The following FADS6 variants were observed in gnomAD, a reference collection of about 807,000 sequenced individuals.
The protein encoded by FADS6 is fatty acid desaturase domain family, member 6.
Under a neutral mutation model 31.7 loss-of-function variants are expected in FADS6, and 28 were observed. That is an observed-to-expected ratio of 0.88 (90% CI 0.66 to 1.21). The LOEUF (loss-of-function observed/expected upper bound fraction) is 1.21. FADS6 is among the 50% of genes most tolerant of loss of function. FADS6 has a pLI of 0.00. For synonymous variants in FADS6, 191 were observed against 213.1 expected (o/e 0.90, Z 0.90); for missense variants, 494 against 504.2 (o/e 0.98, Z 0.19).
At chr17:74,885,581 C>T (rs2038614482) in intron 2 of FADS6, among the ~76,000 whole-genome samples, 1 of 152,124 alleles carries the variant, frequency 6.6e-6, no homozygotes, top group African/African-American at 2.4e-5. Flanking sequence ...GACCCTCAAT[C>T]CCTCTTTCTC....
At chr17:74,887,129 T>G (rs1479176299) in intron 2 of FADS6, among the ~76,000 whole-genome samples, 1 of 143,786 alleles carries the variant, frequency 7.0e-6, no homozygotes, top group Non-Finnish European at 1.5e-5. Flanking sequence ...GTATATGGAG[T>G]ATAGTGATAA....
At chr17:74,880,344 CATTATT>C (rs1454125358) in intron 4 of FADS6, among the ~76,000 whole-genome samples, 1 of 151,978 alleles carries the variant, frequency 6.6e-6, no homozygotes, top group East Asian at 1.9e-4. Context: ...AAGCTCACTT[CATTATT>C]ATTATTATTA....
rs1287710828 is a variant in FADS6 at position 74,881,203 on chromosome 17, A to C, written c.645T>G (p.Ile215Met). ...AGTAGTGAGAATAAAGGCCCAGAGA[A>C]ATCAGGGCCAGCGTCCGCAGGGCTG... ...LGTALRTLAL[I>M]SLGLYSHYWL... The change falls in exon 4 of 6, where the codon ATT becomes ATG. Residue 215 changes from isoleucine (I) to methionine (M), a missense_variant. Ile to Met is a conservative substitution (Grantham distance 10). Coordinates refer to ENST00000612771, the MANE Select transcript of FADS6 (RefSeq NM_178128.6). The C allele has an allele frequency of 6.2e-7, 1 of 1,611,058 alleles. No homozygotes were observed. The highest frequency in any genetic ancestry group is 1.1e-5 in the South Asian group (1 of 90,586).
In FADS6 at chr17:74,878,201, C is replaced by A. The variant is rs969149551; in HGVS notation, c.*130G>T. 9.0e-6 allele frequency: 13 copies of A among 1,442,540 alleles called. No homozygotes were observed. The highest frequency in any genetic ancestry group is 5.7e-5 in the African/African-American group (4 of 69,904). 89.4% of individuals were successfully genotyped at this position (1,442,540 alleles called of 1,614,324 possible). On this transcript the variant is annotated 3_prime_UTR_variant, in exon 6 of 6. Coordinates refer to ENST00000612771, the MANE Select transcript of FADS6 (RefSeq NM_178128.6). ...CCCCAGGCCTGAGCTCCCCTGCCCC[C>A]CTGCCTGGCCGGTGCCTCCACTCTC...
intron 2 of FADS6, among the ~76,000 whole-genome samples, chr17:74,884,961 G>T (rs1051591968): frequency 6.6e-6 from 1 of 151,986 alleles, no homozygotes; most frequent in African/African-American, 2.4e-5. Flanking sequence ...CACCCGCCTC[G>T]GCCTCCCAAA....
Position 74,881,275 on chromosome 17 carries a change from C to T in FADS6, c.593-20G>A. On this transcript the variant is annotated intron_variant, in intron 3 of 5. Transcript: ENST00000612771. Reference sequence around the variant, plus strand: ...GCCGCTCTGCCATAGAGGGAGGGGACAGGCAAGGCTCAGATCCATCAGGAG... The same window carrying T: ...GCCGCTCTGCCATAGAGGGAGGGGATAGGCAAGGCTCAGATCCATCAGGAG... 1.3e-6 allele frequency: 2 copies of T among 1,575,804 alleles called. No homozygotes were observed. Among genetic ancestry groups the T allele is most frequent in the East Asian group, 2.3e-5 (1 of 43,446 alleles).
chr17:74,886,458 TAA>T (rs60503024), intron 2 of FADS6, among the ~76,000 whole-genome samples: 1,993 of 82,836 alleles, frequency 0.024, 38 homozygotes, highest in African/African-American at 0.095. Flanking sequence ...AAATCCTGTC[TAA>T]AAAAAAAAAA....
rs72258963 is a variant in FADS6, at chr17:74,891,112, AT to A, written c.411+1410del. Among the ~76,000 whole-genome samples, 901 of 123,112 alleles carry A rather than the reference AT, an allele frequency of 7.3e-3. 6 individuals carry two copies. The highest frequency in any genetic ancestry group is 0.022 in the African/African-American group (691 of 32,002). 80.8% of individuals were successfully genotyped at this position (123,112 alleles called of 152,430 possible). ...ACTCAGTACAGCTTTTTTCTTTTTGATTTTTTTTTTTTTTTTTTTGAGACAG... is the reference window on the plus strand; with the variant it reads ...ACTCAGTACAGCTTTTTTCTTTTTGATTTTTTTTTTTTTTTTTTGAGACAG... On this transcript the variant is annotated intron_variant, in intron 2 of 5. Coordinates refer to ENST00000612771, the MANE Select transcript of FADS6 (RefSeq NM_178128.6).
Position 74,893,615 on chromosome 17 carries a change from C to T in FADS6, c.-20G>A, listed in dbSNP as rs1567931327. On this transcript the variant is annotated 5_prime_UTR_variant, in exon 1 of 6. Coordinates refer to ENST00000612771, the MANE Select transcript of FADS6 (RefSeq NM_178128.6). ...TTCCATGGACTCTGTGGGCTCGGGC[C>T]CGACGCGCACGGAGGACTGGAGGAC... is the stretch of plus-strand genomic sequence containing the variant. 2 of 1,276,800 alleles carry T rather than the reference C, an allele frequency of 1.6e-6. No homozygotes were observed. Among genetic ancestry groups the T allele is most frequent in the Non-Finnish European group, 2.0e-6 (2 of 1,004,376 alleles). 79.1% of individuals were successfully genotyped at this position (1,276,800 alleles called of 1,614,324 possible).
In FADS6 at chr17:74,881,151, T is replaced by C; in HGVS notation, c.697A>G (p.Lys233Glu). The C allele has an allele frequency of 1.9e-6, 3 of 1,613,402 alleles. No individual in the cohort carries two copies. The highest frequency in any genetic ancestry group is 2.2e-5 in the South Asian group (2 of 90,934). The change falls in exon 4 of 6, where the codon AAG (lysine) becomes GAG (glutamate). Residue 233 changes from lysine (K) to glutamate (E), a missense_variant. Lys to Glu is a moderately conservative substitution (Grantham distance 56). Transcript: ENST00000612771. Reference sequence around the variant, plus strand: ...CAGCCCAGGGCTGAGCTGGGGTTCTTGAAGCCTGACACGTTCAGGAGCAGC... The same window carrying C: ...CAGCCCAGGGCTGAGCTGGGGTTCTCGAAGCCTGACACGTTCAGGAGCAGC... The part of the protein sequence containing the change: ...YWLLLNVSGF[K>E]NPSSALGCMF...
At chr17:74,884,559 A>G (rs2038604546) in intron 2 of FADS6, among the ~76,000 whole-genome samples, 1 of 152,146 alleles carries the variant, frequency 6.6e-6, no homozygotes, top group South Asian at 2.1e-4. Context: ...CTTGGTAGGG[A>G]GGCCTCAGGA....
rs768735379 is a variant in FADS6 at position 74,893,610 on chromosome 17, C to T, written c.-15G>A. The T allele has an allele frequency of 7.5e-7, 1 of 1,332,724 alleles. No homozygotes were observed. The highest frequency in any genetic ancestry group is 2.0e-4 in the Middle Eastern group (1 of 5,102). 82.6% of individuals were successfully genotyped at this position (1,332,724 alleles called of 1,614,324 possible). ...GTGGGTTCCATGGACTCTGTGGGCTCGGGCCCGACGCGCACGGAGGACTGG... is the reference window on the plus strand; with the variant it reads ...GTGGGTTCCATGGACTCTGTGGGCTTGGGCCCGACGCGCACGGAGGACTGG... On this transcript the variant is annotated 5_prime_UTR_variant, in exon 1 of 6. Transcript: ENST00000612771.
chr17:74,888,633 G>A lies in FADS6; in HGVS notation c.411+3890C>T, dbSNP rs117014924. Among the ~76,000 whole-genome samples, 386 of 152,222 alleles carry A rather than the reference G, an allele frequency of 2.5e-3. 1 individual carries two copies. The highest frequency in any genetic ancestry group is 0.02 in the South Asian group (96 of 4,826). Reference sequence around the variant, plus strand: ...TGCCCTTCCCCCAGGGCAGAGCTCCGGTCCAGCAGCTGTGGCTCCAAGCCT... The same window carrying A: ...TGCCCTTCCCCCAGGGCAGAGCTCCAGTCCAGCAGCTGTGGCTCCAAGCCT... On this transcript the variant is annotated intron_variant, in intron 2 of 5. Coordinates refer to ENST00000612771, the MANE Select transcript of FADS6 (RefSeq NM_178128.6).
intron 2 of FADS6, among the ~76,000 whole-genome samples, chr17:74,885,904 A>G (rs1386961087): frequency 6.6e-6 from 1 of 152,158 alleles, no homozygotes; most frequent in Non-Finnish European, 1.5e-5. Context: ...CTGTAATCCC[A>G]GCACTTTAGG....
At chr17:74,879,688 C>T (rs1258971144) in intron 4 of FADS6, 105 bp from the exon 5 acceptor site, 2 of 1,219,346 alleles carry the variant, frequency 1.6e-6, no homozygotes, top group Non-Finnish European at 2.3e-6. Flanking sequence ...TCACCCACCT[C>T]CCATGTGGGG....
intron 2 of FADS6, among the ~76,000 whole-genome samples, chr17:74,883,334 A>G (rs115066376): frequency 0.022 from 3,335 of 152,354 alleles, 119 homozygotes; most frequent in African/African-American, 0.076. Context: ...GAGAGTAGTC[A>G]GTCTGGAATG....
At chr17:74,880,308 G>A (rs1001450365) in intron 4 of FADS6, among the ~76,000 whole-genome samples, 2 of 152,048 alleles carry the variant, frequency 1.3e-5, no homozygotes, top group African/African-American at 4.8e-5. Flanking sequence ...GCGCATGGAG[G>A]AAGGCATGCT....
At chr17:74,885,625 A>T (rs1380483477) in intron 2 of FADS6, among the ~76,000 whole-genome samples, 1 of 150,890 alleles carries the variant, frequency 6.6e-6, no homozygotes, top group Non-Finnish European at 1.5e-5. Context: ...CCACTCCTGC[A>T]CCTCTTCCTT....
In FADS6 at chr17:74,882,583, T is replaced by G. The variant is rs115820690; in HGVS notation, c.539A>C (p.Tyr180Ser). ...WRLPCLNRYV[Y>S]MFLAPFLLPI... is the part of the protein sequence containing the mutation. Reference sequence around the variant, plus strand: ...GAGGAGGAAAGGAGCAAGGAACATGTAGACATAGCGGTTGAGGCAAGGCAG... The same window carrying G: ...GAGGAGGAAAGGAGCAAGGAACATGGAGACATAGCGGTTGAGGCAAGGCAG... Residue 180 changes from tyrosine (Y) to serine (S), a missense_variant, in exon 3 of 6, where the codon TAC becomes TCC. Around this residue, in one of 2 missense-constraint regions of FADS6, gnomAD observed 454 missense variants for 438.5 expected, o/e 1.04. Coordinates refer to ENST00000612771, the MANE Select transcript of FADS6 (RefSeq NM_178128.6). The G allele has an allele frequency of 6.2e-6, 10 of 1,612,146 alleles. No individual in the cohort carries two copies. In the African/African-American group the frequency reaches 8.0e-5, roughly 13 times the overall value.
Sources: allele counts gnomAD v4.1 joint callset (sites outside exome capture counted in the v4.1 genomes callset), GRCh38; gene constraint gnomAD v4.1.1; regional missense constraint gnomAD v4.1.1; transcripts MANE v1.5; gene names NCBI Gene and HGNC (gene_info 2026-07-23, HGNC 2026-07-21).